The following UGT1A10 variants were observed in gnomAD, a reference collection of about 807,000 sequenced individuals.
UGT1A10 encodes the protein UDP-glucuronosyltransferase 1A10.
A neutral mutation model predicts 45.8 loss-of-function variants in UGT1A10; 49 were observed. The observed-to-expected ratio is 1.07, with a 90% CI of 0.85 to 1.36. The LOEUF (loss-of-function observed/expected upper bound fraction) is 1.36. UGT1A10 is among the 40% of genes most tolerant of loss of function. The probability of loss-of-function intolerance (pLI) is 0.00; values close to 1 mark genes in which losing one functional copy is unlikely to be tolerated. For missense variants in UGT1A10, 745 were observed against 668.6 expected (o/e 1.11, Z -1.26); for synonymous variants, 284 against 249.7 (o/e 1.14, Z -1.29).
intron 1 of UGT1A10, chr2:233,691,521 A>C (rs965532552): frequency 1.0e-6 from 1 of 985,728 alleles, no homozygotes; most frequent in African/African-American, 1.7e-5. Flanking sequence ...CCAGGTGTGC[A>C]TGACTAGCTC....
chr2:233,710,241 C>T (rs529654756), intron 1 of UGT1A10, among the ~76,000 whole-genome samples: 19 of 152,204 alleles, frequency 1.2e-4, no homozygotes, highest in East Asian at 9.6e-4. Context: ...TATTCGAGTA[C>T]GAGTGTTTCT....
chr2:233,728,996 G>T, intron 1 of UGT1A10: 1 of 1,557,110 alleles, frequency 6.4e-7, no homozygotes, highest in East Asian at 2.3e-5. Context: ...TTAACTAGAG[G>T]AGGGCACTCT....
At chr2:233,766,942 T>C (rs957269469) in intron 1 of UGT1A10, 92 bp from the exon 2 acceptor site, 13 of 1,596,398 alleles carry the variant, frequency 8.1e-6, no homozygotes, top group Non-Finnish European at 1.0e-5. Flanking sequence ...AATCATAGTC[T>C]TAAGAGGAAG....
At chr2:233,656,814 G>A (rs1481619314) in intron 1 of UGT1A10, among the ~76,000 whole-genome samples, 1 of 152,116 alleles carries the variant, frequency 6.6e-6, no homozygotes, top group Non-Finnish European at 1.5e-5. Flanking sequence ...TGTGGGAGAC[G>A]GGCGGCACTT....
chr2:233,671,661 T>C (rs891730709), intron 1 of UGT1A10, among the ~76,000 whole-genome samples: 1 of 152,262 alleles, frequency 6.6e-6, no homozygotes, highest in Admixed American at 6.5e-5. Context: ...ATTCTGCTTC[T>C]AAACTTAACA....
At chr2:233,673,289 T>G (rs1359770099) in intron 1 of UGT1A10, among the ~76,000 whole-genome samples, 1 of 152,198 alleles carries the variant, frequency 6.6e-6, no homozygotes, top group East Asian at 1.9e-4. Context: ...ATAAATACCT[T>G]TATAGACCAA....
chr2:233,692,572 G>A lies in UGT1A10; in HGVS notation c.855+55195G>A, dbSNP rs757852696. Among the ~76,000 whole-genome samples the A allele has an allele frequency of 1.8e-4, 27 of 152,166 alleles. 1 individual carries two copies. The highest frequency in any genetic ancestry group is 3.4e-4 in the Non-Finnish European group (23 of 68,026). Reference sequence around the variant, plus strand: ...AATTGAATTGTAGGATACCCAGCTGGTGTTAGAGAATAGGTCCGTGTGCAA... The same window carrying A: ...AATTGAATTGTAGGATACCCAGCTGATGTTAGAGAATAGGTCCGTGTGCAA... On this transcript the variant is annotated intron_variant, in intron 1 of 4. Transcript: ENST00000344644.
rs533404227 is a variant in UGT1A10, at chr2:233,760,412, G to A, written c.856-6622G>A. 5.0e-6 allele frequency: 8 copies of A among 1,614,222 alleles called. No homozygotes were observed. The African/African-American group carries it at 1.1e-4, about 22-fold the overall frequency. Reference sequence around the variant, plus strand: ...CCAGTGGATGGCAGCCACTGGCTGAGCATGCTTGGGGCCATCCAGCAGCTG... The same window carrying A: ...CCAGTGGATGGCAGCCACTGGCTGAACATGCTTGGGGCCATCCAGCAGCTG... On this transcript the variant is annotated intron_variant, in intron 1 of 4. Transcript: ENST00000344644.
At chr2:233,716,556 T>A (rs1435201445) in intron 1 of UGT1A10, among the ~76,000 whole-genome samples, 1 of 152,206 alleles carries the variant, frequency 6.6e-6, no homozygotes, top group Non-Finnish European at 1.5e-5. Context: ...ATATTCCTTT[T>A]TTCATTTTTT....
At chr2:233,667,173 G>T (rs1019486377) in intron 1 of UGT1A10, among the ~76,000 whole-genome samples, 4 of 152,184 alleles carry the variant, frequency 2.6e-5, no homozygotes, top group African/African-American at 9.6e-5. Flanking sequence ...CCAGTAATGG[G>T]ATGGCTGGGT....
At chr2:233,641,644 T>G (rs2073455797) in intron 1 of UGT1A10, among the ~76,000 whole-genome samples, 1 of 152,206 alleles carries the variant, frequency 6.6e-6, no homozygotes, top group Non-Finnish European at 1.5e-5. Context: ...ATGAGCTTCC[T>G]TTTCTTTCTG....
chr2:233,715,338 A>T (rs2076446051), intron 1 of UGT1A10, among the ~76,000 whole-genome samples: 1 of 152,002 alleles, frequency 6.6e-6, no homozygotes, highest in East Asian at 1.9e-4. Flanking sequence ...AGATTGGTGC[A>T]TGTAGGTTTG....
rs181024490 is a variant in UGT1A10, at chr2:233,690,715, C to T, written c.855+53338C>T. ...TACTCTTTAGGGATCGTCATTATGA[C>T]GAACAGACATGCCAGATTCCTCTGG... On this transcript the variant is annotated intron_variant, in intron 1 of 4. Transcript: ENST00000344644. The T allele has an allele frequency of 2.7e-4, 328 of 1,218,932 alleles. 5 individuals are homozygous for T. The South Asian group carries it at 3.2e-3, about 12-fold the overall frequency. 75.5% of individuals were successfully genotyped at this position (1,218,932 alleles called of 1,614,324 possible). A position where few individuals can be genotyped will look rare whatever the true frequency, so the allele number is the denominator to read the frequency against.
chr2:233,743,692 G>C, intron 1 of UGT1A10: 2 of 1,367,218 alleles, frequency 1.5e-6, no homozygotes, highest in Non-Finnish European at 2.0e-6. Context: ...CTGTGCAGCC[G>C]CCCTCCGCCC....
chr2:233,766,405 C>T (rs545959555), intron 1 of UGT1A10, among the ~76,000 whole-genome samples: 1 of 152,316 alleles, frequency 6.6e-6, no homozygotes, highest in East Asian at 1.9e-4. Flanking sequence ...CGTCCCTCCG[C>T]TGATGTGCTC....
At chr2:233,645,455 A>T (rs1042635901) in intron 1 of UGT1A10, among the ~76,000 whole-genome samples, 1 of 152,182 alleles carries the variant, frequency 6.6e-6, no homozygotes, top group Non-Finnish European at 1.5e-5. Flanking sequence ...TCAACGTCTC[A>T]TCTGAGACAA....
intron 1 of UGT1A10, among the ~76,000 whole-genome samples, chr2:233,659,820 A>C (rs1207123878): frequency 6.6e-6 from 1 of 152,256 alleles, no homozygotes; most frequent in Admixed American, 6.5e-5. Flanking sequence ...AGTCAAAAGC[A>C]GTCTTCAATA....
chr2:233,730,673 A>G (rs1217219739), intron 1 of UGT1A10, among the ~76,000 whole-genome samples: 2 of 152,106 alleles, frequency 1.3e-5, no homozygotes, highest in South Asian at 2.1e-4. Flanking sequence ...AGGCAAAGTA[A>G]TGGTTGCATC....
At chr2:233,669,412 AACATTTTAACAATT>A (rs1466392802) in intron 1 of UGT1A10, among the ~76,000 whole-genome samples, 1 of 152,214 alleles carries the variant, frequency 6.6e-6, no homozygotes, top group African/African-American at 2.4e-5. Flanking sequence ...AAGGAAAAAT[AACATTTTAACAATT>A]TTGAGTTTTC....
Sources: gnomAD v4.1 joint callset for allele counts (sites outside exome capture counted in the v4.1 genomes callset) on GRCh38, gnomAD v4.1.1 for gene constraint, MANE v1.5 for transcripts, NCBI Gene and HGNC (gene_info 2026-07-23, HGNC 2026-07-21) for gene names.